TRAPPC10: variants seen among roughly 807,000 people sequenced by gnomAD.
TRAPPC10 encodes the protein trafficking protein particle complex subunit 10.
A neutral mutation model predicts 125.5 loss-of-function variants in TRAPPC10; 23 were observed. The ratio of observed to expected loss-of-function variants is 0.18; its 90% CI spans 0.13 to 0.26. The LOEUF is 0.26. Ranked by LOEUF, TRAPPC10 falls within the 10% of genes least tolerant of loss-of-function variation. TRAPPC10 has a pLI of 1.00. For synonymous variants in TRAPPC10, 509 were observed against 518.0 expected (o/e 0.98, Z 0.24); for missense variants, 1,123 against 1,308.4 (o/e 0.86, Z 2.19).
At chr21:44,033,400 G>T (rs1237475583) in intron 2 of TRAPPC10, among the ~76,000 whole-genome samples, 1 of 152,136 alleles carries the variant, frequency 6.6e-6, no homozygotes, top group Non-Finnish European at 1.5e-5. Flanking sequence ...TATAAAGAGT[G>T]TACAGAGTGT....
intron 3 of TRAPPC10, chr21:44,046,986 G>T: frequency 1.2e-6 from 1 of 810,644 alleles, no homozygotes; most frequent in Non-Finnish European, 2.1e-6. Context: ...CTGCGAGCGG[G>T]AAACCGCCTT....
intron 3 of TRAPPC10, among the ~76,000 whole-genome samples, chr21:44,039,443 C>T (rs995037238): frequency 6.6e-6 from 1 of 152,176 alleles, no homozygotes; most frequent in African/African-American, 2.4e-5. Flanking sequence ...AGCTCGTTGC[C>T]CTTGTGCTGG....
chr21:44,038,025 G>A, intron 3 of TRAPPC10, 98 bp downstream of exon 3: 8 of 1,499,672 alleles, frequency 5.3e-6, no homozygotes, highest in Non-Finnish European at 7.2e-6. Context: ...GACGCGTGGT[G>A]GGGTGGAGTT....
intron 1 of TRAPPC10, among the ~76,000 whole-genome samples, chr21:44,029,061 C>G: frequency 6.6e-6 from 1 of 152,146 alleles, no homozygotes; most frequent in Non-Finnish European, 1.5e-5. Context: ...CTTTTGGGCT[C>G]TTAAACTTAA....
rs767625933 is a variant in TRAPPC10 at position 44,055,702 on chromosome 21, G to A, written c.487G>A (p.Val163Ile). 3 of 1,602,994 alleles carry A rather than the reference G, an allele frequency of 1.9e-6. No individual in the cohort carries two copies. In the African/African-American group the frequency reaches 4.0e-5, roughly 21 times the overall value. ...DFCNKQSDRC[V>I]VLSDPLKDSS... ...AGTCTGTTCATGTCTTTGCAGGTGT[G>A]TTGTGCTCTCCGACCCCTTGAAGGA... is the stretch of plus-strand genomic sequence containing the variant. The change falls in exon 5 of 23, where the codon GTT becomes ATT. Residue 163 changes from valine to isoleucine, a missense_variant. This residue lies in a region of TRAPPC10 where 177 missense variants were observed against 228.9 expected (regional missense o/e 0.77). Coordinates refer to ENST00000291574, the MANE Select transcript of TRAPPC10 (RefSeq NM_003274.5).
chr21:44,027,208 C>T (rs777682018), intron 1 of TRAPPC10, among the ~76,000 whole-genome samples: 10 of 152,030 alleles, frequency 6.6e-5, no homozygotes, highest in Non-Finnish European at 1.5e-4. Flanking sequence ...CATAAATCTC[C>T]AAATAGAAGT....
At chr21:44,074,920 G>C (rs1157441916) in intron 8 of TRAPPC10, 119 bp from the exon 9 acceptor site, 1 of 742,882 alleles carries the variant, frequency 1.3e-6, no homozygotes, top group African/African-American at 1.8e-5. Context: ...TGAGTCATTG[G>C]GTAGGAAAGC....
chr21:44,084,987 C>T (rs1270453653), intron 15 of TRAPPC10, among the ~76,000 whole-genome samples: 1 of 152,264 alleles, frequency 6.6e-6, no homozygotes, highest in Non-Finnish European at 1.5e-5. Context: ...ATGTGTTCAG[C>T]TGCCTGAAAG....
Position 44,063,297 on chromosome 21 carries a change from C to T in TRAPPC10, c.791-241C>T. Reference sequence around the variant, plus strand: ...GGGTGACTTCCCAACCTGTTCAGCTCCCGCCCATGACTTTCTGGGCATGGT... The same window carrying T: ...GGGTGACTTCCCAACCTGTTCAGCTTCCGCCCATGACTTTCTGGGCATGGT... On this transcript the variant is annotated intron_variant, in intron 6 of 22. Coordinates refer to ENST00000291574, the MANE Select transcript of TRAPPC10 (RefSeq NM_003274.5). The surrounding 1 kb of genome is among the most constrained non-coding windows in gnomAD (Gnocchi z 4.4). The T allele has an allele frequency of 8.4e-7, 1 of 1,184,298 alleles. No individual in the cohort carries two copies. Among genetic ancestry groups the T allele is most frequent in the Non-Finnish European group, 1.1e-6 (1 of 896,628 alleles). 73.4% of individuals were successfully genotyped at this position (1,184,298 alleles called of 1,614,324 possible). A position where few individuals can be genotyped will look rare whatever the true frequency, so the allele number is the denominator to read the frequency against.
intron 7 of TRAPPC10, among the ~76,000 whole-genome samples, chr21:44,064,412 C>T (rs1043906852): frequency 6.6e-6 from 1 of 151,702 alleles, no homozygotes; most frequent in Non-Finnish European, 1.5e-5. Context: ...TCTTACTGTC[C>T]ATAGAACCAC....
At chr21:44,083,477 A>G (rs1345454540) in intron 14 of TRAPPC10, among the ~76,000 whole-genome samples, 175 bp downstream of exon 14, 14 of 152,100 alleles carry the variant, frequency 9.2e-5, no homozygotes, top group Non-Finnish European at 1.9e-4. Flanking sequence ...GTTTTATACA[A>G]TTTTCTGACA....
intron 1 of TRAPPC10, among the ~76,000 whole-genome samples, chr21:44,021,661 C>T (rs10854489): frequency 0.38 from 57,908 of 152,044 alleles, 15,849 homozygotes; most frequent in African/African-American, 0.78. Context: ...TTGTGTCCCT[C>T]CCTACACACC....
At chr21:44,018,819 A>G (rs2032172356) in intron 1 of TRAPPC10, among the ~76,000 whole-genome samples, 1 of 152,032 alleles carries the variant, frequency 6.6e-6, no homozygotes, top group African/African-American at 2.4e-5. Context: ...ACTCTGGCTG[A>G]GTTGGTTATC....
chr21:44,054,831 GGCCCACA>G (rs1474580898), intron 4 of TRAPPC10, among the ~76,000 whole-genome samples: 3 of 152,216 alleles, frequency 2.0e-5, no homozygotes, highest in African/African-American at 7.2e-5. Flanking sequence ...TTTCCTGTGA[GGCCCACA>G]GCCTAGCAGC....
At chr21:44,030,995 A>G (rs907121078) in intron 1 of TRAPPC10, among the ~76,000 whole-genome samples, 2 of 152,268 alleles carry the variant, frequency 1.3e-5, no homozygotes, top group Non-Finnish European at 2.9e-5. Flanking sequence ...CCCGAGGCAC[A>G]GGAAGGTTAA....
At chr21:44,060,915 T>TACATACATACACACACACACACAC (rs60633801) in intron 6 of TRAPPC10, among the ~76,000 whole-genome samples, 2 of 132,192 alleles carry the variant, frequency 1.5e-5, no homozygotes, top group South Asian at 5.0e-4. Flanking sequence ...CATACATACA[T>TACATACATACACACACACACACAC]ACACACACAC....
chr21:44,015,861 G>A (rs770857918), intron 1 of TRAPPC10, among the ~76,000 whole-genome samples: 15 of 152,148 alleles, frequency 9.9e-5, no homozygotes, highest in South Asian at 6.2e-4. Context: ...TGACCTGCCC[G>A]CCTCGGCCTC....
chr21:44,061,387 G>C (rs2036044045), intron 6 of TRAPPC10, among the ~76,000 whole-genome samples: 1 of 152,056 alleles, frequency 6.6e-6, no homozygotes, highest in Non-Finnish European at 1.5e-5. Context: ...GCCCACCTCA[G>C]CCTCCCAAAG....
intron 17 of TRAPPC10, chr21:44,089,380 T>C (rs1246757961): frequency 8.1e-6 from 3 of 369,426 alleles, no homozygotes; most frequent in Non-Finnish European, 1.7e-5. Context: ...ATATTCAGCC[T>C]CACATGGATT....
Sources: gnomAD v4.1 joint callset for allele counts (sites outside exome capture counted in the v4.1 genomes callset) on GRCh38, gnomAD v4.1.1 for gene constraint, gnomAD v4.1.1 regional missense constraint, Gnocchi (gnomAD v3.1) non-coding constraint, MANE v1.5 for transcripts, NCBI Gene and HGNC (gene_info 2026-07-23, HGNC 2026-07-21) for gene names.